CMTM4: variants seen among roughly 807,000 people sequenced by gnomAD.
CMTM4 encodes the protein CKLF like MARVEL transmembrane domain containing 4, also known as CKLF-like MARVEL transmembrane domain-containing protein 4.
Under a neutral mutation model 19.0 loss-of-function variants are expected in CMTM4, and 8 were observed. The observed-to-expected ratio is 0.42, with a 90% CI of 0.25 to 0.76. The LOEUF (loss-of-function observed/expected upper bound fraction) is 0.76. Ranked by LOEUF, CMTM4 falls within the 30% of genes least tolerant of loss-of-function variation. The pLI is 0.27. For synonymous variants in CMTM4, 106 were observed against 121.1 expected (o/e 0.88, Z 0.82); for missense variants, 228 against 290.2 (o/e 0.79, Z 1.56).
rs1228251623 is a variant in CMTM4, at chr16:66,620,939, T to C, written c.*1119A>G. ...CAGAAACCTTAAGTAGCTAGGATTT[T>C]TCCCCCCAACAACTCCCAAGAATGA... On this transcript the variant is annotated 3_prime_UTR_variant, in exon 4 of 4. Coordinates refer to ENST00000394106, the MANE Select transcript of CMTM4 (RefSeq NM_181521.3). The C allele has an allele frequency of 4.1e-6, 4 of 985,778 alleles. No individual in the cohort carries two copies. The highest frequency in any genetic ancestry group is 6.1e-5 in the Admixed American group (1 of 16,270). The allele number at this position is 985,778 out of a possible 1,614,324, so 61.1% of individuals were successfully genotyped here.
chr16:66,673,170 CA>C (rs2016745577), intron 1 of CMTM4, among the ~76,000 whole-genome samples: 1 of 149,504 alleles, frequency 6.7e-6, no homozygotes, highest in Non-Finnish European at 1.5e-5. Context: ...CTCAGCCTCC[CA>C]AAGTGCTGGG....
At chr16:66,647,323 C>CAA (rs58483961) in intron 1 of CMTM4, among the ~76,000 whole-genome samples, 3,556 of 62,300 alleles carry the variant, frequency 0.057, 116 homozygotes, top group East Asian at 0.19. Context: ...GACTCTGTCT[C>CAA]AAAAAAAAAA....
chr16:66,633,108 T>TATATATAAATATATATATATAA lies in CMTM4; in HGVS notation c.363+3296_363+3297insTTATATATATATATTTATATAT, dbSNP rs1204992597. 2.3e-4 allele frequency among the ~76,000 whole-genome samples: 18 copies of TATATATAAATATATATATATAA among 77,244 alleles called. 1 individual carries two copies. Among genetic ancestry groups the TATATATAAATATATATATATAA allele is most frequent in the South Asian group, 1.2e-3 (2 of 1,618 alleles). 50.7% of individuals were successfully genotyped at this position (77,244 alleles called of 152,430 possible). A position where few individuals can be genotyped will look rare whatever the true frequency, so the allele number is the denominator to read the frequency against. On this transcript the variant is annotated intron_variant, in intron 2 of 3. Coordinates refer to ENST00000394106, the MANE Select transcript of CMTM4 (RefSeq NM_181521.3). ...TTCAAAATATATATATATAAATATA[T>TATATATAAATATATATATATAA]ATATATATAAATATATATATATAAA...
chr16:66,628,974 A>T (rs991970952), intron 2 of CMTM4, among the ~76,000 whole-genome samples: 38 of 152,154 alleles, frequency 2.5e-4, no homozygotes, highest in African/African-American at 7.7e-4. Flanking sequence ...GATTTTTTTT[A>T]AATTATCTAT....
chr16:66,658,870 G>A (rs951523331), intron 1 of CMTM4, among the ~76,000 whole-genome samples: 2 of 152,104 alleles, frequency 1.3e-5, no homozygotes, highest in Non-Finnish European at 2.9e-5. Flanking sequence ...CCACCGATGC[G>A]GAATTTCAAA....
chr16:66,602,822 T>C, the CMTM4 span, among the ~76,000 whole-genome samples: 1 of 151,986 alleles, frequency 6.6e-6, no homozygotes, highest in African/African-American at 2.4e-5. Flanking sequence ...GCTGGAATTA[T>C]AGGCATGGGC....
chr16:66,624,728 C>T (rs2015703319), intron 2 of CMTM4, among the ~76,000 whole-genome samples: 1 of 152,206 alleles, frequency 6.6e-6, no homozygotes, highest in African/African-American at 2.4e-5. Context: ...GATCGTGCCA[C>T]TGCACTCTAG....
the CMTM4 span, among the ~76,000 whole-genome samples, chr16:66,608,958 T>C: frequency 6.6e-6 from 1 of 152,090 alleles, no homozygotes; most frequent in Non-Finnish European, 1.5e-5. The surrounding 1 kb of genome is among the most constrained non-coding windows in gnomAD (Gnocchi z 5.1). Context: ...CCTTGTCTCT[T>C]GACTTCATAT....
intron 2 of CMTM4, among the ~76,000 whole-genome samples, chr16:66,627,490 T>C (rs1445865456): frequency 2.6e-5 from 4 of 152,232 alleles, no homozygotes; most frequent in Non-Finnish European, 5.9e-5. Context: ...TTAAAGTATA[T>C]AATTCAATCA....
rs760971109 is a variant in CMTM4 at position 66,620,804 on chromosome 16, T to C, written c.*1254A>G. On this transcript the variant is annotated 3_prime_UTR_variant, in exon 4 of 4. Transcript: ENST00000394106. The stretch of plus-strand genomic sequence containing the variant: ...ACCTGACAAACTAAAACAACTTTTT[T>C]CCATAAAAGATATAATTACTCTCTA... 8.6e-4 allele frequency: 846 copies of C among 985,558 alleles called. 1 individual carries two copies. Among genetic ancestry groups the C allele is most frequent in the Non-Finnish European group, 9.6e-4 (800 of 829,776 alleles). The allele number at this position is 985,558 out of a possible 1,614,324, so 61.1% of individuals were successfully genotyped here.
chr16:66,612,505 C>T (rs1003757560), downstream of CMTM4: 32 of 1,191,256 alleles, frequency 2.7e-5, no homozygotes, highest in African/African-American at 6.0e-5. The surrounding 1 kb of genome is among the most constrained non-coding windows in gnomAD (Gnocchi z 6.0). Flanking sequence ...AGGAGGCCTG[C>T]ACCCAGGCTC....
At chr16:66,655,182 C>T (rs1362290746) in intron 1 of CMTM4, among the ~76,000 whole-genome samples, 1 of 152,104 alleles carries the variant, frequency 6.6e-6, no homozygotes, top group African/African-American at 2.4e-5. Flanking sequence ...CAGGATTTCG[C>T]CATGTTGCCA....
chr16:66,679,416 C>A (rs1443126856), intron 1 of CMTM4, among the ~76,000 whole-genome samples: 1 of 152,150 alleles, frequency 6.6e-6, no homozygotes, highest in African/African-American at 2.4e-5. Context: ...TCTCCCCTGA[C>A]TCTGAGAGAT....
chr16:66,621,254 G>A lies in CMTM4; in HGVS notation c.*804C>T, dbSNP rs1165543585. 2.0e-6 allele frequency: 2 copies of A among 985,542 alleles called. No individual in the cohort carries two copies. The highest frequency in any genetic ancestry group is 1.7e-5 in the African/African-American group (1 of 57,370). The allele number at this position is 985,542 out of a possible 1,614,324, so 61.0% of individuals were successfully genotyped here. On this transcript the variant is annotated 3_prime_UTR_variant, in exon 4 of 4. Coordinates refer to ENST00000394106, the MANE Select transcript of CMTM4 (RefSeq NM_181521.3). ...CAAATGGGCAAGTGCTTTGGCTGGT[G>A]GAGTAGGCTTGTTTCTTTCATGGCT... is the stretch of plus-strand genomic sequence containing the variant.
Position 66,615,032 on chromosome 16 carries a change from G to A in CMTM4, c.*7026C>T, listed in dbSNP as rs1294680773. 1 of 152,224 alleles carries A rather than the reference G, an allele frequency of 6.6e-6. No individual in the cohort carries two copies. Among genetic ancestry groups the A allele is most frequent in the East Asian group, 1.9e-4 (1 of 5,198 alleles). The allele number at this position is 152,224 out of a possible 1,614,324, so 9.4% of individuals were successfully genotyped here. ...CATACAGACTTGAACCCAAAAGCCA[G>A]GCCAGCCAGGGGACGCCCACCCAGG... is the stretch of plus-strand genomic sequence containing the variant. On this transcript the variant is annotated 3_prime_UTR_variant, in exon 4 of 4. Coordinates refer to ENST00000394106, the MANE Select transcript of CMTM4 (RefSeq NM_181521.3). This position sits in a 1 kb window ranked among gnomAD's most constrained non-coding sequence, Gnocchi z 4.9.
Position 66,696,324 on chromosome 16 carries a change from C to A in CMTM4, c.186+16G>T. On this transcript the variant is annotated intron_variant, in intron 1 of 3. Transcript: ENST00000394106. This position sits in a 1 kb window ranked among gnomAD's most constrained non-coding sequence, Gnocchi z 4.3. Reference sequence around the variant, plus strand: ...TAGGCCGCCCTCGGGCACCTGGGGCCCCGCCCGGCACCTACCACTTGGGCG... The same window carrying A: ...TAGGCCGCCCTCGGGCACCTGGGGCACCGCCCGGCACCTACCACTTGGGCG... 7.5e-7 allele frequency: 1 copy of A among 1,329,896 alleles called. No homozygotes were observed. The highest frequency in any genetic ancestry group is 1.8e-5 in the South Asian group (1 of 54,158). The allele number at this position is 1,329,896 out of a possible 1,614,324, so 82.4% of individuals were successfully genotyped here. A position where few individuals can be genotyped will look rare whatever the true frequency, so the allele number is the denominator to read the frequency against.
At chr16:66,629,178 A>G (rs149402673) in intron 2 of CMTM4, among the ~76,000 whole-genome samples, 105 of 152,356 alleles carry the variant, frequency 6.9e-4, no homozygotes, top group African/African-American at 2.3e-3. Context: ...TGTACACAGA[A>G]TCAGCTGGGG....
At chr16:66,630,878 G>A (rs1171047348) in intron 2 of CMTM4, among the ~76,000 whole-genome samples, 4 of 138,124 alleles carry the variant, frequency 2.9e-5, no homozygotes, top group Non-Finnish European at 4.7e-5. Context: ...GCCGCCCATC[G>A]TCTGAGATGT....
chr16:66,693,496 T>C (rs148944736), intron 1 of CMTM4, among the ~76,000 whole-genome samples: 29 of 152,354 alleles, frequency 1.9e-4, no homozygotes, highest in African/African-American at 7.0e-4. Flanking sequence ...GACTTCTTAT[T>C]TTCTTTTCAG....
Sources: gnomAD v4.1 joint callset for allele counts (sites outside exome capture counted in the v4.1 genomes callset) on GRCh38, gnomAD v4.1.1 for gene constraint, Gnocchi (gnomAD v3.1) non-coding constraint, MANE v1.5 for transcripts, NCBI Gene and HGNC (gene_info 2026-07-23, HGNC 2026-07-21) for gene names.